FAF1: variants seen among roughly 807,000 people sequenced by gnomAD.
FAF1 encodes the protein FAS-associated factor 1.
A neutral mutation model predicts 92.5 loss-of-function variants in FAF1; 25 were observed. The ratio of observed to expected loss-of-function variants is 0.27; its 90% CI spans 0.20 to 0.38. The LOEUF (loss-of-function observed/expected upper bound fraction) is 0.38, where lower values mean the gene tolerates loss of function less well. FAF1 is among the 10% of genes least tolerant of loss of function. FAF1 has a pLI of 1.00. For missense variants in FAF1, 636 were observed against 793.3 expected, an observed-to-expected ratio of 0.80 and a Z score of 2.38; for synonymous variants, 234 against 273.2, an observed-to-expected ratio of 0.86 and a Z score of 1.42.
At chr1:50,450,902 C>A (rs1301538115) in intron 18 of FAF1, among the ~76,000 whole-genome samples, 2 of 152,194 alleles carry the variant, frequency 1.3e-5, no homozygotes, top group Non-Finnish European at 2.9e-5. Flanking sequence ...TGGTAACACA[C>A]CCCAAAATGA....
intron 1 of FAF1, among the ~76,000 whole-genome samples, chr1:50,916,824 A>G (rs931842022): frequency 3.9e-5 from 6 of 152,266 alleles, no homozygotes; most frequent in African/African-American, 1.4e-4. Flanking sequence ...AAGTAAGTAA[A>G]GACAGTATCT....
intron 8 of FAF1, among the ~76,000 whole-genome samples, chr1:50,628,389 T>C (rs983629713): frequency 6.6e-6 from 1 of 152,176 alleles, no homozygotes; most frequent in African/African-American, 2.4e-5. Context: ...TTTTGGTCAG[T>C]GGCAATACTC....
At chr1:50,449,522 G>A (rs1358694116) in intron 18 of FAF1, among the ~76,000 whole-genome samples, 5 of 136,548 alleles carry the variant, frequency 3.7e-5, no homozygotes, top group Admixed American at 1.6e-4. Context: ...ACAGAGTCTC[G>A]CTCTGTTGCC....
intron 1 of FAF1, among the ~76,000 whole-genome samples, chr1:50,937,671 T>C (rs114451631): frequency 6.6e-6 from 1 of 152,202 alleles, no homozygotes; most frequent in Non-Finnish European, 1.5e-5. Flanking sequence ...AAGTACTACA[T>C]GAGTATACCC....
At chr1:50,548,989 G>A (rs1357703645) in intron 13 of FAF1, among the ~76,000 whole-genome samples, 1 of 152,002 alleles carries the variant, frequency 6.6e-6, no homozygotes, top group Non-Finnish European at 1.5e-5. Context: ...CTTTCTTTTT[G>A]TGTGCTTCAG....
intron 15 of FAF1, among the ~76,000 whole-genome samples, chr1:50,500,659 T>G (rs1646972801): frequency 6.6e-6 from 1 of 152,156 alleles, no homozygotes; most frequent in Non-Finnish European, 1.5e-5. Flanking sequence ...TAAATTGGAC[T>G]TCATCAAAAT....
chr1:50,906,850 T>G (rs1009002263), intron 1 of FAF1, among the ~76,000 whole-genome samples: 1 of 152,190 alleles, frequency 6.6e-6, no homozygotes, highest in Non-Finnish European at 1.5e-5. Context: ...CTTCCTCTTT[T>G]CTTAATTGAA....
chr1:50,798,446 T>C (rs1464895043), intron 3 of FAF1, among the ~76,000 whole-genome samples: 11 of 152,222 alleles, frequency 7.2e-5, no homozygotes, highest in Admixed American at 7.2e-4. Flanking sequence ...AGTAATTCAC[T>C]AACATTTCTT....
chr1:50,576,450 A>T (rs1223555700), intron 12 of FAF1, among the ~76,000 whole-genome samples: 1 of 152,196 alleles, frequency 6.6e-6, no homozygotes, highest in Non-Finnish European at 1.5e-5. Context: ...TTGGGAAAGG[A>T]ACAATCCTTC....
chr1:50,454,993 C>T (rs190365891), intron 18 of FAF1, among the ~76,000 whole-genome samples: 4 of 152,346 alleles, frequency 2.6e-5, no homozygotes, highest in East Asian at 1.9e-4. Flanking sequence ...CCTAGAGCCT[C>T]CATGAATTCA....
At chr1:50,781,016 TG>T in intron 4 of FAF1, 1 of 468,948 alleles carries the variant, frequency 2.1e-6, no homozygotes, top group South Asian at 1.5e-5. Context: ...GCCAACTCAC[TG>T]GCCACTGTGG....
intron 6 of FAF1, among the ~76,000 whole-genome samples, chr1:50,733,927 G>A (rs1390013515): frequency 6.6e-6 from 1 of 152,160 alleles, no homozygotes; most frequent in Non-Finnish European, 1.5e-5. Context: ...CTCCTGAGTA[G>A]CTCGGGTTAC....
In FAF1 at chr1:50,864,125, T is replaced by A. The variant is rs542303276; in HGVS notation, c.46-6128A>T. ...CTTTATTAGTCTTGCTAGCGGTCTA[T>A]CAATTTTGTTGATCCTTTCAAAAAA... On this transcript the variant is annotated intron_variant, in intron 1 of 18. Transcript: ENST00000396153. Among the ~76,000 whole-genome samples the A allele has an allele frequency of 3.8e-3, 582 of 151,518 alleles. 6 individuals are homozygous for A. Among genetic ancestry groups the A allele is most frequent in the African/African-American group, 0.014 (563 of 41,292 alleles).
intron 4 of FAF1, among the ~76,000 whole-genome samples, chr1:50,786,853 C>G (rs930046395): frequency 6.6e-6 from 1 of 152,080 alleles, no homozygotes; most frequent in Non-Finnish European, 1.5e-5. Context: ...GAATTATATC[C>G]TAAAATCAAT....
intron 7 of FAF1, among the ~76,000 whole-genome samples, chr1:50,690,740 C>G (rs1656883263): frequency 6.6e-6 from 1 of 152,108 alleles, no homozygotes; most frequent in Non-Finnish European, 1.5e-5. Flanking sequence ...AAATTCAAAC[C>G]CAATAGCAAC....
chr1:50,851,158 A>G (rs1419130848), intron 2 of FAF1, among the ~76,000 whole-genome samples: 1 of 148,714 alleles, frequency 6.7e-6, no homozygotes, highest in Non-Finnish European at 1.5e-5. Context: ...TCAGCTCACT[A>G]CAACTTCTGC....
At chr1:50,758,347 C>T (rs532338803) in intron 4 of FAF1, among the ~76,000 whole-genome samples, 9 of 152,312 alleles carry the variant, frequency 5.9e-5, no homozygotes, top group African/African-American at 1.7e-4. Flanking sequence ...AGCCACCACG[C>T]CCAGCACAAC....
At chr1:50,884,521 C>CAAAA (rs560254938) in intron 1 of FAF1, among the ~76,000 whole-genome samples, 1 of 90,594 alleles carries the variant, frequency 1.1e-5, no homozygotes, top group Non-Finnish European at 2.4e-5. Flanking sequence ...GACTCTGTCT[C>CAAAA]AAAAAAAAAA....
At chr1:50,641,162 G>C (rs557200549) in intron 8 of FAF1, among the ~76,000 whole-genome samples, 1 of 151,940 alleles carries the variant, frequency 6.6e-6, no homozygotes, top group African/African-American at 2.4e-5. Flanking sequence ...TCAGCATTTG[G>C]TTTCAATAAT....
Sources: allele counts gnomAD v4.1 joint callset (sites outside exome capture counted in the v4.1 genomes callset), GRCh38; gene constraint gnomAD v4.1.1; transcripts MANE v1.5; gene names NCBI Gene and HGNC (gene_info 2026-07-23, HGNC 2026-07-21).